INAVA: variants seen among roughly 807,000 people sequenced by gnomAD.
The protein encoded by INAVA is innate immunity activator.
A neutral mutation model predicts 55.3 loss-of-function variants in INAVA; 32 were observed. The observed-to-expected ratio is 0.58, with a 90% confidence interval of 0.44 to 0.78. INAVA has a LOEUF of 0.78. Among genes scored for constraint, INAVA ranks in the 30% least tolerant of loss-of-function variants. The pLI is 0.00. For missense variants in INAVA, 756 were observed against 786.4 expected (o/e 0.96, Z 0.46); for synonymous variants, 294 against 329.4 (o/e 0.89, Z 1.16).
intron 5 of INAVA, among the ~76,000 whole-genome samples, chr1:200,902,303 T>A (rs1319596245): frequency 2.0e-5 from 3 of 152,214 alleles, no homozygotes; most frequent in Non-Finnish European, 4.4e-5. Context: ...CAGGGAGTTA[T>A]CTCAGCACAG....
intron 1 of INAVA, 120 bp downstream of exon 1, chr1:200,895,207 G>C (rs1414147560): frequency 3.7e-6 from 3 of 810,474 alleles, no homozygotes; most frequent in Non-Finnish European, 4.5e-6. Flanking sequence ...GCCTATGTCT[G>C]GTGTGTAGGG....
At chr1:200,900,787 C>T (rs1185620830) in intron 4 of INAVA, 150 bp from the exon 5 acceptor site, 11 of 577,324 alleles carry the variant, frequency 1.9e-5, no homozygotes, top group African/African-American at 1.7e-4. Flanking sequence ...CCCTCTGCTC[C>T]ACGTCCGTCC....
At position 200,911,663 on chromosome 1, in the gene INAVA, C is replaced by G. The variant is rs201583008; in HGVS notation, c.1170C>G (p.Pro390=). Residue 390 remains proline (P), a synonymous_variant, in exon 9 of 10, where the codon CCC becomes CCG. Coordinates refer to ENST00000413687, the MANE Select transcript of INAVA (RefSeq NM_001142569.3). ...CCACTTCGCCGGGCAGCAGCAGCCC[C>G]GACATCTCCTTTCTGCAGCCTCTCT... The part of the protein sequence containing the change: ...SHPTSPGSSS[P]DISFLQPLSP... 4.3e-6 allele frequency: 7 copies of G among 1,614,058 alleles called. No individual in the cohort carries two copies. In the South Asian group the frequency reaches 7.7e-5, roughly 18 times the overall value.
Position 200,908,739 on chromosome 1 carries a change from A to G in INAVA, c.584A>G (p.Gln195Arg). Residue 195 changes from glutamine (Q) to arginine (R), a missense_variant, in exon 7 of 10, where the codon CAA (glutamine) becomes CGA (arginine). Around this residue, in one of 2 missense-constraint regions of INAVA, gnomAD observed 639 missense variants for 624.3 expected, o/e 1.02. Transcript: ENST00000413687. ...TCTTTTACTCCTGCAGAGGAATCCC[A>G]AGTGCCAAAACCTCCTCCAGAGTCT... is the stretch of plus-strand genomic sequence containing the variant. ...DGLLLEEEES[Q>R]VPKPPPESPA... The G allele has an allele frequency of 1.3e-6, 2 of 1,569,766 alleles. No individual in the cohort carries two copies. The highest frequency in any genetic ancestry group is 2.3e-5 in the East Asian group (1 of 43,806).
chr1:200,904,721 A>G (rs2102309431), intron 5 of INAVA, among the ~76,000 whole-genome samples: 1 of 148,030 alleles, frequency 6.8e-6, no homozygotes, highest in South Asian at 2.1e-4. Flanking sequence ...AGAAACCTGA[A>G]TCTTTTTTTT....
intron 5 of INAVA, among the ~76,000 whole-genome samples, chr1:200,906,022 A>G (rs1361456351): frequency 1.3e-5 from 2 of 152,210 alleles, no homozygotes; most frequent in Non-Finnish European, 2.9e-5. Context: ...GGTTTCCTCA[A>G]CTGTCACTTG....
chr1:200,905,795 C>T (rs144750454), intron 5 of INAVA, among the ~76,000 whole-genome samples: 1 of 152,260 alleles, frequency 6.6e-6, no homozygotes, highest in African/African-American at 2.4e-5. Flanking sequence ...TTGCTAACCT[C>T]TGTTGTAAGG....
rs1024875868 is a variant in INAVA, at chr1:200,914,604, C to T, written c.*975C>T. ...AGTAGCTGGGATTACAGGCAAGCAC[C>T]ACCATGCCTGCTAATTTTTTATTTT... On this transcript the variant is annotated 3_prime_UTR_variant, in exon 10 of 10. Coordinates refer to ENST00000413687, the MANE Select transcript of INAVA (RefSeq NM_001142569.3). The T allele has an allele frequency of 6.7e-6, 1 of 150,050 alleles. No homozygotes were observed. The highest frequency in any genetic ancestry group is 2.5e-5 in the African/African-American group (1 of 40,664). 9.3% of individuals were successfully genotyped at this position (150,050 alleles called of 1,614,324 possible).
At chr1:200,904,853 C>T (rs1385112807) in intron 5 of INAVA, among the ~76,000 whole-genome samples, 1 of 151,992 alleles carries the variant, frequency 6.6e-6, no homozygotes, top group Non-Finnish European at 1.5e-5. Flanking sequence ...CTTCCTCAGC[C>T]TCTAGTAGCT....
At chr1:200,909,453 G>A (rs920741086) in intron 8 of INAVA, 56 bp downstream of exon 8, 2 of 1,396,434 alleles carry the variant, frequency 1.4e-6, no homozygotes, top group Non-Finnish European at 1.9e-6. Context: ...TATCGTTGGA[G>A]GGTGGGAGCT....
At chr1:200,905,156 G>A (rs1653429393) in intron 5 of INAVA, among the ~76,000 whole-genome samples, 1 of 152,218 alleles carries the variant, frequency 6.6e-6, no homozygotes, top group Non-Finnish European at 1.5e-5. Context: ...GCCAAGCAAA[G>A]CATGGGCTGG....
chr1:200,899,525 G>A lies in INAVA; in HGVS notation c.108G>A (p.Lys36=). ...PMKELTHAVH[K]QQRALEARLE... Reference sequence around the variant, plus strand: ...AGGAGCTGACCCATGCAGTGCACAAGCAGCAGAGGGCCCTGGAAGCGAGGC... The same window carrying A: ...AGGAGCTGACCCATGCAGTGCACAAACAGCAGAGGGCCCTGGAAGCGAGGC... Residue 36 remains lysine, a synonymous_variant, in exon 3 of 10, where the codon AAG becomes AAA. Coordinates refer to ENST00000413687, the MANE Select transcript of INAVA (RefSeq NM_001142569.3). 6.2e-7 allele frequency: 1 copy of A among 1,614,058 alleles called. No homozygotes were observed. Among genetic ancestry groups the A allele is most frequent in the Non-Finnish European group, 8.5e-7 (1 of 1,180,004 alleles).
At chr1:200,902,157 T>C (rs1408319129) in intron 5 of INAVA, among the ~76,000 whole-genome samples, 1 of 152,218 alleles carries the variant, frequency 6.6e-6, no homozygotes, top group East Asian at 1.9e-4. Flanking sequence ...GGTCTCGGCC[T>C]TCATTCACAT....
intron 5 of INAVA, among the ~76,000 whole-genome samples, chr1:200,902,147 G>A (rs1653288298): frequency 6.6e-6 from 1 of 152,186 alleles, no homozygotes; most frequent in African/African-American, 2.4e-5. Flanking sequence ...TGGATTCAGA[G>A]GTCTCGGCCT....
chr1:200,910,234 TAA>T (rs1419437541), intron 8 of INAVA, among the ~76,000 whole-genome samples: 2 of 152,170 alleles, frequency 1.3e-5, no homozygotes, highest in Non-Finnish European at 2.9e-5. Flanking sequence ...CCTCAGAACT[TAA>T]AGAGACTCAA....
intron 5 of INAVA, 130 bp downstream of exon 5, chr1:200,901,289 C>A: frequency 1.1e-6 from 1 of 873,588 alleles, no homozygotes; most frequent in Non-Finnish European, 1.7e-6. Flanking sequence ...GGTTCAGCTC[C>A]ACCCCATCCT....
intron 1 of INAVA, among the ~76,000 whole-genome samples, chr1:200,897,839 C>A (rs1653011873): frequency 6.6e-6 from 1 of 152,186 alleles, no homozygotes; most frequent in Non-Finnish European, 1.5e-5. Context: ...CCAGGCTGGT[C>A]TTGAACTCCT....
chr1:200,900,296 T>A lies in INAVA; in HGVS notation c.297+76T>A, dbSNP rs182285825. ...ACTGAGACGCCACACCTCAGCTCAGTACCCTGGCAGGTTCCCTTCCACCCT... is the reference window on the plus strand; with the variant it reads ...ACTGAGACGCCACACCTCAGCTCAGAACCCTGGCAGGTTCCCTTCCACCCT... On this transcript the variant is annotated intron_variant, in intron 4 of 9. Coordinates refer to ENST00000413687, the MANE Select transcript of INAVA (RefSeq NM_001142569.3). 8.5e-5 allele frequency: 112 copies of A among 1,319,368 alleles called. No homozygotes were observed. In the East Asian group the frequency reaches 2.5e-3, roughly 29 times the overall value. 81.7% of individuals were successfully genotyped at this position (1,319,368 alleles called of 1,614,324 possible).
At chr1:200,899,340 T>C in intron 2 of INAVA, 133 bp from the exon 3 acceptor site, 2 of 1,326,416 alleles carry the variant, frequency 1.5e-6, no homozygotes, top group Non-Finnish European at 2.1e-6. Context: ...AGCCTGCAAT[T>C]TGTGGGCAGG....
Sources: gnomAD v4.1 joint callset for allele counts (sites outside exome capture counted in the v4.1 genomes callset) on GRCh38, gnomAD v4.1.1 for gene constraint, gnomAD v4.1.1 regional missense constraint, MANE v1.5 for transcripts, NCBI Gene and HGNC (gene_info 2026-07-23, HGNC 2026-07-21) for gene names.